Variants in SH3D19 observed in about 807,000 individuals in gnomAD.
SH3D19 encodes SH3 domain containing 19, also known as SH3 domain-containing protein 19.
Under a neutral mutation model 112.1 loss-of-function variants are expected in SH3D19, and 58 were observed. That is an observed-to-expected ratio of 0.52 (90% CI 0.42 to 0.64). The LOEUF (loss-of-function observed/expected upper bound fraction) is 0.64. SH3D19 is among the 30% of genes least tolerant of loss of function. SH3D19 has a pLI of 0.00. For synonymous variants in SH3D19, 391 were observed against 448.5 expected, an observed-to-expected ratio of 0.87 and a Z score of 1.62; for missense variants, 1,090 against 1,263.4, an observed-to-expected ratio of 0.86 and a Z score of 2.08.
chr4:151,230,196 C>T (rs547949650), intron 1 of SH3D19, among the ~76,000 whole-genome samples: 44 of 152,196 alleles, frequency 2.9e-4, no homozygotes, highest in Non-Finnish European at 5.3e-4. Context: ...ACGCCACTTA[C>T]GTAGAAATGG....
intron 12 of SH3D19, among the ~76,000 whole-genome samples, chr4:151,141,870 T>C (rs1478103893): frequency 4.6e-5 from 7 of 152,120 alleles, no homozygotes; most frequent in African/African-American, 1.4e-4. Context: ...CATAAACCAG[T>C]CCTTGGAGGG....
chr4:151,238,460 A>G (rs1393535091), intron 1 of SH3D19, among the ~76,000 whole-genome samples: 2 of 152,198 alleles, frequency 1.3e-5, no homozygotes, highest in Admixed American at 1.3e-4. Context: ...TTAAAGGGCA[A>G]AAGGCCCACT....
intron 14 of SH3D19, 69 bp from the exon 15 acceptor site, chr4:151,135,201 A>C: frequency 7.6e-7 from 1 of 1,311,886 alleles, no homozygotes; most frequent in Non-Finnish European, 1.1e-6. Context: ...TTTAAGGTTA[A>C]GTAATTAGAA....
intron 1 of SH3D19, among the ~76,000 whole-genome samples, chr4:151,235,190 G>A (rs11729981): frequency 0.79 from 120,374 of 151,884 alleles, 49,953 homozygotes; most frequent in Non-Finnish European, 0.93. Flanking sequence ...CCCTCCTCCC[G>A]CCCTCCACCC....
At chr4:151,227,673 T>C (rs1769221768) in intron 1 of SH3D19, 1 of 872,788 alleles carries the variant, frequency 1.1e-6, no homozygotes, top group African/African-American at 1.8e-5. Flanking sequence ...CTAGCTTCGC[T>C]ACAAAAATGA....
intron 1 of SH3D19, among the ~76,000 whole-genome samples, chr4:151,226,860 A>G (rs906252304): frequency 9.8e-5 from 15 of 152,342 alleles, no homozygotes; most frequent in African/African-American, 3.1e-4. Context: ...CTGCTGTAAC[A>G]TGCTATTAAT....
At chr4:151,270,335 T>C (rs1773145939) in intron 1 of SH3D19, among the ~76,000 whole-genome samples, 1 of 152,118 alleles carries the variant, frequency 6.6e-6, no homozygotes, top group Non-Finnish European at 1.5e-5. Context: ...AGTGTGTGAC[T>C]TCTGTTCATT....
intron 7 of SH3D19, chr4:151,165,958 C>G: frequency 2.9e-6 from 1 of 343,962 alleles, no homozygotes; most frequent in Non-Finnish European, 5.4e-6. Context: ...AGAAGCTGAT[C>G]TTTCAGGGGA....
chr4:151,227,255 T>C (rs910852280), intron 1 of SH3D19, among the ~76,000 whole-genome samples: 1 of 152,128 alleles, frequency 6.6e-6, no homozygotes, highest in Admixed American at 6.6e-5. Context: ...GAAAGAAATA[T>C]GGAAGAAAAG....
At chr4:151,200,868 G>A (rs1018024580) in intron 2 of SH3D19, among the ~76,000 whole-genome samples, 3 of 152,064 alleles carry the variant, frequency 2.0e-5, no homozygotes, top group Non-Finnish European at 2.9e-5. Flanking sequence ...TTTGTTTCAC[G>A]TTTATCTTAC....
intron 2 of SH3D19, among the ~76,000 whole-genome samples, chr4:151,198,390 AAT>A (rs1554051575): frequency 6.3e-5 from 9 of 142,788 alleles, no homozygotes; most frequent in Admixed American, 5.8e-4. Flanking sequence ...TATAATATAT[AAT>A]ATATATCATA....
chr4:151,152,514 CTCTT>C (rs1301452392), intron 9 of SH3D19, among the ~76,000 whole-genome samples: 2 of 142,816 alleles, frequency 1.4e-5, no homozygotes, highest in Admixed American at 6.8e-5. Context: ...TTCTCTCTCT[CTCTT>C]TTTTTTTTTT....
rs1443169292 is a variant in SH3D19 at position 151,120,357 on chromosome 4, A to C, written c.*1734T>G. On this transcript the variant is annotated 3_prime_UTR_variant, in exon 20 of 20. Coordinates refer to ENST00000604030, the MANE Select transcript of SH3D19 (RefSeq NM_001378122.1). ...ATTGCACTTATCATTCTGCTGACAG[A>C]AGGCCAAAACTGAAGATTGAGATTT... 1 of 152,634 alleles carries C rather than the reference A, an allele frequency of 6.6e-6. No homozygotes were observed. Among genetic ancestry groups the C allele is most frequent in the Non-Finnish European group, 1.5e-5 (1 of 68,046 alleles). The allele number at this position is 152,634 out of a possible 1,614,324, so 9.5% of individuals were successfully genotyped here.
chr4:151,137,393 T>C (rs571833208), intron 14 of SH3D19, among the ~76,000 whole-genome samples: 2 of 152,196 alleles, frequency 1.3e-5, no homozygotes, highest in Non-Finnish European at 2.9e-5. Context: ...CAGGATAAGC[T>C]AGTATCACTG....
At chr4:151,152,098 T>C (rs989161887) in intron 9 of SH3D19, among the ~76,000 whole-genome samples, 2 of 152,202 alleles carry the variant, frequency 1.3e-5, no homozygotes, top group Non-Finnish European at 2.9e-5. Context: ...AAGAGTGGCA[T>C]ATTCAAATTC....
intron 14 of SH3D19, among the ~76,000 whole-genome samples, chr4:151,135,888 G>A (rs1277090348): frequency 6.6e-6 from 1 of 151,964 alleles, no homozygotes; most frequent in Admixed American, 6.6e-5. Context: ...TTGGATTCTC[G>A]GGCTGAGCAC....
chr4:151,182,139 C>T (rs1005634585), intron 3 of SH3D19, among the ~76,000 whole-genome samples: 3 of 152,044 alleles, frequency 2.0e-5, no homozygotes, highest in African/African-American at 4.8e-5. Flanking sequence ...CAGGCATGCA[C>T]GACCACACCT....
intron 4 of SH3D19, among the ~76,000 whole-genome samples, chr4:151,178,128 G>C (rs1435611286): frequency 6.6e-6 from 1 of 152,122 alleles, no homozygotes; most frequent in African/African-American, 2.4e-5. Flanking sequence ...TGCTCAGGCA[G>C]GTTTCGAACT....
chr4:151,279,762 G>C lies in SH3D19; in HGVS notation c.112+45479C>G, dbSNP rs536977448. Reference sequence around the variant, plus strand: ...GGGGACCAGAGAAACAGGACTCCTAGGTTTCCACATTTCCCTTTCTTCTCT... The same window carrying C: ...GGGGACCAGAGAAACAGGACTCCTACGTTTCCACATTTCCCTTTCTTCTCT... On this transcript the variant is annotated intron_variant, in intron 1 of 19. Transcript: ENST00000604030. 8.9e-5 allele frequency: 143 copies of C among 1,607,966 alleles called. No individual in the cohort carries two copies. The South Asian group carries it at 1.6e-3, about 17-fold the overall frequency.
Sources: allele counts gnomAD v4.1 joint callset (sites outside exome capture counted in the v4.1 genomes callset), GRCh38; gene constraint gnomAD v4.1.1; transcripts MANE v1.5; gene names NCBI Gene and HGNC (gene_info 2026-07-23, HGNC 2026-07-21).